CFAP44: variants seen among roughly 807,000 people sequenced by gnomAD.
The protein encoded by CFAP44 is cilia- and flagella-associated protein 44.
Under a neutral mutation model 216.2 loss-of-function variants are expected in CFAP44, and 134 were observed. The ratio of observed to expected loss-of-function variants is 0.62; its 90% CI spans 0.54 to 0.72. The LOEUF (loss-of-function observed/expected upper bound fraction) is 0.72, where lower values mean the gene tolerates loss of function less well. Among genes scored for constraint, CFAP44 ranks in the 30% least tolerant of loss-of-function variants. The probability of loss-of-function intolerance (pLI) is 0.00; values close to 1 mark genes in which losing one functional copy is unlikely to be tolerated. For missense variants in CFAP44, 2,035 were observed against 2,182.1 expected, an observed-to-expected ratio of 0.93 and a Z score of 1.34; for synonymous variants, 700 against 727.6, an observed-to-expected ratio of 0.96 and a Z score of 0.61.
chr3:113,305,292 A>G (rs1279758137), intron 30 of CFAP44, 140 bp from the exon 31 acceptor site: 1 of 679,344 alleles, frequency 1.5e-6, no homozygotes, highest in African/African-American at 1.8e-5. Context: ...GCATGATCCC[A>G]GTTTGCAACT....
At chr3:113,374,873 T>C (rs894174210) in intron 17 of CFAP44, among the ~76,000 whole-genome samples, 1 of 152,176 alleles carries the variant, frequency 6.6e-6, no homozygotes, top group Non-Finnish European at 1.5e-5. Context: ...TGGCCTCAAG[T>C]GATCCACCCG....
intron 5 of CFAP44, among the ~76,000 whole-genome samples, chr3:113,418,546 T>C (rs777873614): frequency 2.3e-4 from 35 of 152,194 alleles, no homozygotes; most frequent in Non-Finnish European, 4.9e-4. Flanking sequence ...ACTGGATAAC[T>C]GTTTCAGAAA....
chr3:113,357,505 T>A (rs1041596340), intron 22 of CFAP44, among the ~76,000 whole-genome samples: 1 of 152,070 alleles, frequency 6.6e-6, no homozygotes, highest in Non-Finnish European at 1.5e-5. Flanking sequence ...AAACCAAAGG[T>A]TGCTGGCAAA....
chr3:113,305,277 T>A, intron 30 of CFAP44, 125 bp from the exon 31 acceptor site: 1 of 778,894 alleles, frequency 1.3e-6, no homozygotes, highest in Non-Finnish European at 2.1e-6. Flanking sequence ...GGGCTGTGAT[T>A]AAGTGCATGA....
chr3:113,305,401 C>A (rs972747193), intron 30 of CFAP44, among the ~76,000 whole-genome samples: 1 of 152,088 alleles, frequency 6.6e-6, no homozygotes, highest in Admixed American at 6.5e-5. Flanking sequence ...GAATAAGAGC[C>A]CAGAAGACAT....
At chr3:113,436,994 C>G (rs2107421912) in intron 1 of CFAP44, among the ~76,000 whole-genome samples, 2 of 152,342 alleles carry the variant, frequency 1.3e-5, no homozygotes, top group Middle Eastern at 6.8e-3. Context: ...GCAGTGCTGC[C>G]TTCACTTTCA....
At chr3:113,427,041 C>A (rs989496904) in intron 3 of CFAP44, 146 bp downstream of exon 3, 2 of 876,384 alleles carry the variant, frequency 2.3e-6, no homozygotes, top group African/African-American at 1.7e-5. Context: ...AAGTACCCTA[C>A]CAAAATATGT....
chr3:113,363,014 C>T (rs1950555713), intron 21 of CFAP44, 131 bp downstream of exon 21: 2 of 1,382,426 alleles, frequency 1.4e-6, no homozygotes, highest in Admixed American at 3.5e-5. Context: ...AAATAAATGG[C>T]TATTGAAATT....
intron 22 of CFAP44, among the ~76,000 whole-genome samples, chr3:113,357,958 A>G (rs1950506474): frequency 6.6e-6 from 1 of 152,206 alleles, no homozygotes; most frequent in Admixed American, 6.5e-5. Context: ...TAACAGTAGA[A>G]GGGATAAACT....
At chr3:113,302,597 T>TA (rs1429817970) in intron 32 of CFAP44, among the ~76,000 whole-genome samples, 1 of 149,108 alleles carries the variant, frequency 6.7e-6, no homozygotes, top group Admixed American at 6.7e-5. Context: ...CCATCTCTAC[T>TA]AAAAAACACA....
At chr3:113,393,074 C>T (rs572602193) in intron 15 of CFAP44, among the ~76,000 whole-genome samples, 3 of 152,280 alleles carry the variant, frequency 2.0e-5, no homozygotes, top group Non-Finnish European at 2.9e-5. Context: ...CTTACCAGAA[C>T]CACTCAAAGC....
chr3:113,350,344 CAA>C (rs1950431579), intron 22 of CFAP44, among the ~76,000 whole-genome samples: 1 of 147,628 alleles, frequency 6.8e-6, no homozygotes, highest in Non-Finnish European at 1.5e-5. Flanking sequence ...GACAGAGAGA[CAA>C]AGAGAGAGTC....
chr3:113,355,725 C>G (rs1308625787), intron 22 of CFAP44, among the ~76,000 whole-genome samples: 1 of 151,308 alleles, frequency 6.6e-6, no homozygotes, highest in Non-Finnish European at 1.5e-5. Flanking sequence ...TACCTATGTA[C>G]CAAACCTGCA....
At chr3:113,347,931 T>G (rs1950403520) in intron 22 of CFAP44, among the ~76,000 whole-genome samples, 1 of 152,146 alleles carries the variant, frequency 6.6e-6, no homozygotes, top group African/African-American at 2.4e-5. Context: ...TTTTTCTCGG[T>G]CCTCATTGTG....
chr3:113,347,893 A>T (rs1163785544), intron 22 of CFAP44, among the ~76,000 whole-genome samples: 4 of 152,132 alleles, frequency 2.6e-5, no homozygotes, highest in African/African-American at 9.7e-5. Context: ...GTTTTTGAGT[A>T]TGCATCAGTA....
At chr3:113,395,310 GA>G (rs1478090402) in intron 15 of CFAP44, among the ~76,000 whole-genome samples, 3 of 152,202 alleles carry the variant, frequency 2.0e-5, no homozygotes, top group African/African-American at 7.2e-5. Context: ...GGATAGAAGA[GA>G]AAATAGATGT....
intron 17 of CFAP44, among the ~76,000 whole-genome samples, chr3:113,377,647 A>C (rs1387091302): frequency 6.6e-6 from 1 of 152,270 alleles, no homozygotes; most frequent in South Asian, 2.1e-4. Flanking sequence ...AATTTCAGAC[A>C]AACAAAAACA....
At chr3:113,429,079 A>G (rs1240923374) in intron 2 of CFAP44, 1 of 152,120 alleles carries the variant, frequency 6.6e-6, no homozygotes, top group Non-Finnish European at 1.5e-5. Context: ...CTACTTTATA[A>G]AAAATTTATA....
chr3:113,431,877 C>T (rs1194378787), intron 2 of CFAP44, among the ~76,000 whole-genome samples: 1 of 152,302 alleles, frequency 6.6e-6, no homozygotes, highest in Non-Finnish European at 1.5e-5. Context: ...AGATACCTAA[C>T]ATCGTGATAG....
Sources: allele counts gnomAD v4.1 joint callset (sites outside exome capture counted in the v4.1 genomes callset), GRCh38; gene constraint gnomAD v4.1.1; transcripts MANE v1.5; gene names NCBI Gene and HGNC (gene_info 2026-07-23, HGNC 2026-07-21).